Variants in DDX19B observed in about 807,000 individuals in gnomAD.
DDX19B encodes DEAD-box helicase 19B, also known as ATP-dependent RNA helicase DDX19B.
A neutral mutation model predicts 58.1 loss-of-function variants in DDX19B; 27 were observed. The ratio of observed to expected loss-of-function variants is 0.46; its 90% CI spans 0.34 to 0.64. DDX19B has a LOEUF of 0.64. Among genes scored for constraint, DDX19B ranks in the 30% least tolerant of loss-of-function variants. The pLI is 0.01. For missense variants in DDX19B, 399 were observed against 596.5 expected, an observed-to-expected ratio of 0.67 and a Z score of 3.45; for synonymous variants, 187 against 214.4, an observed-to-expected ratio of 0.87 and a Z score of 1.12.
chr16:70,317,355 T>C (rs1962487087), intron 4 of DDX19B, 141 bp from the exon 5 acceptor site: 1 of 567,710 alleles, frequency 1.8e-6, no homozygotes, highest in Non-Finnish European at 3.0e-6. Flanking sequence ...CACTGCAGCC[T>C]GGGCAATAGA....
Position 70,327,353 on chromosome 16 carries a change from T to C in DDX19B, c.607+1665T>C, listed in dbSNP as rs969851753. On this transcript the variant is annotated intron_variant, in intron 7 of 11. Coordinates refer to ENST00000288071, the MANE Select transcript of DDX19B (RefSeq NM_007242.7). ...ATAGAGACCATCCTGGCCAACATGG[T>C]GAAACCCCATCTCTACTAAACATAG... Among the ~76,000 whole-genome samples the C allele has an allele frequency of 2.0e-5, 3 of 151,692 alleles. No homozygotes were observed. The South Asian group carries it at 6.2e-4, about 32-fold the overall frequency.
upstream of DDX19B, among the ~76,000 whole-genome samples, chr16:70,290,495 C>T (rs1056334099): frequency 2.6e-5 from 4 of 152,046 alleles, no homozygotes; most frequent in Admixed American, 6.6e-5. Context: ...CCACTGCACT[C>T]CAGCCTGGCT....
chr16:70,295,450 A>C, upstream of DDX19B, among the ~76,000 whole-genome samples: 1 of 143,044 alleles, frequency 7.0e-6, no homozygotes, highest in African/African-American at 2.6e-5. Flanking sequence ...CTTAAAAAAA[A>C]TTTTTTTTTT....
Position 70,330,009 on chromosome 16 carries a change from C to A in DDX19B, c.964C>A (p.Gln322Lys), listed in dbSNP as rs1567639422. The A allele has an allele frequency of 3.1e-6, 5 of 1,614,090 alleles. No homozygotes were observed. Among genetic ancestry groups the A allele is most frequent in the Non-Finnish European group, 4.2e-6 (5 of 1,179,978 alleles). ...VLCSSRDEKFQALCNLYGAIT... is the reference protein window; with the variant it reads ...VLCSSRDEKFKALCNLYGAIT... ...GTGCAGCAGCAGAGACGAGAAGTTC[C>A]AGGCCTTGTGTAACCTCTACGGGGC... Residue 322 changes from glutamine to lysine, a missense_variant, in exon 9 of 12, where the codon CAG becomes AAG. Around this residue, in one of 4 missense-constraint regions of DDX19B, gnomAD observed 198 missense variants for 345.9 expected, o/e 0.57. Coordinates refer to ENST00000288071, the MANE Select transcript of DDX19B (RefSeq NM_007242.7).
chr16:70,300,343 C>A (rs1051158939), intron 1 of DDX19B, among the ~76,000 whole-genome samples: 1 of 151,264 alleles, frequency 6.6e-6, no homozygotes, highest in African/African-American at 2.4e-5. Context: ...GTAACTGGGA[C>A]TGTAGTCATG....
chr16:70,331,667 TCTTC>T, intron 9 of DDX19B, 51 bp from the exon 10 acceptor site: 4 of 1,578,004 alleles, frequency 2.5e-6, no homozygotes, highest in Non-Finnish European at 3.4e-6. Flanking sequence ...TTAGCAGTTG[TCTTC>T]CTTTTGTTTT....
chr16:70,299,374 A>G lies in DDX19B; in HGVS notation c.57+20A>G, dbSNP rs752175143. On this transcript the variant is annotated intron_variant, in intron 1 of 11. Transcript: ENST00000288071. ...GAGTCGGTGAGTTGGCTTCAGCCCTAAAAGGGTCAGGGGACTAGTTCTGGT... is the reference window on the plus strand; with the variant it reads ...GAGTCGGTGAGTTGGCTTCAGCCCTGAAAGGGTCAGGGGACTAGTTCTGGT... 4.4e-6 allele frequency: 7 copies of G among 1,599,126 alleles called. No individual in the cohort carries two copies. The highest frequency in any genetic ancestry group is 4.3e-6 in the Non-Finnish European group (5 of 1,173,324).
chr16:70,323,076 C>T (rs1962935762), intron 5 of DDX19B, among the ~76,000 whole-genome samples: 5 of 151,994 alleles, frequency 3.3e-5, no homozygotes, highest in Admixed American at 3.3e-4. Flanking sequence ...CTTTGGCCTG[C>T]TGCGGCTGCT....
At chr16:70,325,918 C>G (rs571624839) in intron 7 of DDX19B, among the ~76,000 whole-genome samples, 1 of 152,230 alleles carries the variant, frequency 6.6e-6, no homozygotes, top group Non-Finnish European at 1.5e-5. Context: ...CTTTGCCATA[C>G]CTATGGATAC....
rs567160189 is a variant in DDX19B, at chr16:70,332,842, T to C, written c.1187-126T>C. 9 of 1,556,138 alleles carry C rather than the reference T, an allele frequency of 5.8e-6. No individual in the cohort carries two copies. The African/African-American group carries it at 6.8e-5, about 12-fold the overall frequency. ...TTCAGATCTGGCTTCCTGCACTCAA[T>C]GTCATGCACGTCTCTTAGTGCCGTG... On this transcript the variant is annotated intron_variant, in intron 10 of 11. Transcript: ENST00000288071.
chr16:70,332,210 G>A (rs1963521543), intron 10 of DDX19B, among the ~76,000 whole-genome samples: 1 of 152,192 alleles, frequency 6.6e-6, no homozygotes, highest in Admixed American at 6.5e-5. Context: ...GTTGGCACCT[G>A]CCAAAGTTTT....
chr16:70,308,023 G>A (rs1315927210), intron 1 of DDX19B, among the ~76,000 whole-genome samples: 1 of 151,910 alleles, frequency 6.6e-6, no homozygotes, highest in Non-Finnish European at 1.5e-5. Context: ...CACCATGTCG[G>A]CTCACTGCAA....
At chr16:70,306,305 C>G (rs1961750022) in intron 1 of DDX19B, among the ~76,000 whole-genome samples, 1 of 152,078 alleles carries the variant, frequency 6.6e-6, no homozygotes, top group African/African-American at 2.4e-5. Context: ...GTGTGCACCA[C>G]CACACCTGGC....
At chr16:70,316,240 C>T in intron 4 of DDX19B, 136 bp downstream of exon 4, 1 of 1,267,146 alleles carries the variant, frequency 7.9e-7, no homozygotes, top group Non-Finnish European at 1.1e-6. Context: ...GACAGAGTCT[C>T]ACTCTGTTGC....
intron 1 of DDX19B, among the ~76,000 whole-genome samples, chr16:70,307,153 A>G (rs536002046): frequency 6.6e-6 from 1 of 152,236 alleles, no homozygotes; most frequent in Non-Finnish European, 1.5e-5. Flanking sequence ...TCTACTTTTT[A>G]GCTACTATGA....
chr16:70,331,248 A>C (rs541146227), intron 9 of DDX19B, among the ~76,000 whole-genome samples: 94 of 152,016 alleles, frequency 6.2e-4, no homozygotes, highest in African/African-American at 2.2e-3. Context: ...GGGTCTTGCT[A>C]TGTTGTCCAG....
intron 5 of DDX19B, chr16:70,319,628 T>C (rs1470305553): frequency 4.6e-5 from 7 of 151,824 alleles, no homozygotes; most frequent in Non-Finnish European, 1.0e-4. Flanking sequence ...TGGTGGCTCA[T>C]GCCTGTAATC....
chr16:70,324,764 G>T, intron 6 of DDX19B, 77 bp downstream of exon 6: 2 of 1,424,584 alleles, frequency 1.4e-6, no homozygotes. Flanking sequence ...TAAAAGACAA[G>T]CTATGGGCTG....
At chr16:70,303,116 G>A (rs1053352061) in intron 1 of DDX19B, among the ~76,000 whole-genome samples, 2 of 152,058 alleles carry the variant, frequency 1.3e-5, no homozygotes, top group Admixed American at 6.6e-5. Context: ...ATATATTCTG[G>A]ATAGAAGTTC....
Sources: gnomAD v4.1 joint callset for allele counts (sites outside exome capture counted in the v4.1 genomes callset) on GRCh38, gnomAD v4.1.1 for gene constraint, gnomAD v4.1.1 regional missense constraint, MANE v1.5 for transcripts, NCBI Gene and HGNC (gene_info 2026-07-23, HGNC 2026-07-21) for gene names.